Variants in GPC5 observed in about 807,000 individuals in gnomAD.
The protein encoded by GPC5 is glypican 5.
Under a neutral mutation model 53.9 loss-of-function variants are expected in GPC5, and 47 were observed. The ratio of observed to expected loss-of-function variants is 0.87; its 90% CI spans 0.69 to 1.11. The LOEUF is 1.11. GPC5 is among the 50% of genes most tolerant of loss of function. GPC5 has a pLI of 0.00. For synonymous variants in GPC5, 286 were observed against 263.3 expected (o/e 1.09, Z -0.84); for missense variants, 748 against 713.1 (o/e 1.05, Z -0.56).
chr13:92,440,067 A>G (rs543895296), intron 7 of GPC5, among the ~76,000 whole-genome samples: 1 of 152,260 alleles, frequency 6.6e-6, no homozygotes, highest in South Asian at 2.1e-4. Context: ...ACTGGTGAAG[A>G]CAAAAGGGAA....
intron 2 of GPC5, among the ~76,000 whole-genome samples, chr13:91,533,529 A>G (rs905684062): frequency 3.3e-5 from 5 of 152,212 alleles, no homozygotes; most frequent in African/African-American, 1.2e-4. Context: ...GCCTTGTGGA[A>G]CAGACAGTGG....
At chr13:91,803,178 A>G (rs1186651997) in intron 5 of GPC5, among the ~76,000 whole-genome samples, 1 of 152,140 alleles carries the variant, frequency 6.6e-6, no homozygotes, top group African/African-American at 2.4e-5. Context: ...TATTGGTGAG[A>G]AATCATTTTA....
At chr13:92,514,453 CAGAA>C (rs963538170) in intron 7 of GPC5, among the ~76,000 whole-genome samples, 2 of 152,112 alleles carry the variant, frequency 1.3e-5, no homozygotes, top group African/African-American at 4.8e-5. Flanking sequence ...AGGAAAACCA[CAGAA>C]AGAACTACTA....
At chr13:91,870,386 T>A (rs764724553) in intron 5 of GPC5, among the ~76,000 whole-genome samples, 1 of 152,186 alleles carries the variant, frequency 6.6e-6, no homozygotes, top group Non-Finnish European at 1.5e-5. Flanking sequence ...GGTAAGTTAA[T>A]ATTTAAAATA....
intron 7 of GPC5, among the ~76,000 whole-genome samples, chr13:92,345,572 T>C (rs184799783): frequency 6.6e-6 from 1 of 152,290 alleles, no homozygotes; most frequent in East Asian, 1.9e-4. Context: ...GCAACTATCT[T>C]GAGACACCCA....
chr13:92,198,773 A>C (rs1384740999), intron 7 of GPC5, among the ~76,000 whole-genome samples: 1 of 152,158 alleles, frequency 6.6e-6, no homozygotes, highest in Non-Finnish European at 1.5e-5. Context: ...ATCCCCAAAA[A>C]AATTATTTCT....
chr13:91,823,481 G>A (rs1045740748), intron 5 of GPC5, among the ~76,000 whole-genome samples: 1 of 151,972 alleles, frequency 6.6e-6, no homozygotes, highest in African/African-American at 2.4e-5. Context: ...GTAAATTAAT[G>A]CTCCCACTTC....
intron 7 of GPC5, among the ~76,000 whole-genome samples, chr13:92,230,808 C>T (rs1245112261): frequency 6.6e-6 from 1 of 152,074 alleles, no homozygotes; most frequent in Non-Finnish European, 1.5e-5. Flanking sequence ...TGGCACATAG[C>T]AGATTCTCAA....
At chr13:92,123,428 A>G (rs1002933855) in intron 6 of GPC5, among the ~76,000 whole-genome samples, 3 of 152,156 alleles carry the variant, frequency 2.0e-5, no homozygotes, top group African/African-American at 7.2e-5. Context: ...AAAATATGAT[A>G]ATAAAAAAGA....
intron 7 of GPC5, chr13:92,484,765 CCTT>C (rs1379231559): frequency 6.6e-6 from 1 of 151,788 alleles, no homozygotes; most frequent in Non-Finnish European, 1.5e-5. Flanking sequence ...GACAGAGTCT[CCTT>C]CTGTCACTAA....
chr13:91,901,871 C>A (rs2039500836), intron 5 of GPC5, among the ~76,000 whole-genome samples: 7 of 151,952 alleles, frequency 4.6e-5, no homozygotes, highest in Admixed American at 4.6e-4. Flanking sequence ...CCAGGTCATA[C>A]AAGAACATAA....
intron 7 of GPC5, among the ~76,000 whole-genome samples, chr13:92,833,543 G>T (rs1566437511): frequency 6.6e-6 from 1 of 151,974 alleles, no homozygotes; most frequent in African/African-American, 2.4e-5. Context: ...TTTATCCTCT[G>T]CACTGTGAAA....
intron 2 of GPC5, among the ~76,000 whole-genome samples, chr13:91,456,351 T>C (rs1172960514): frequency 6.6e-6 from 1 of 152,090 alleles, no homozygotes; most frequent in Non-Finnish European, 1.5e-5. Flanking sequence ...TGTTAACTTT[T>C]TTTTTTCTTT....
chr13:92,723,876 G>A lies in GPC5; in HGVS notation c.1562-142406G>A, dbSNP rs990707212. Among the ~76,000 whole-genome samples the A allele has an allele frequency of 5.3e-5, 8 of 151,698 alleles. No homozygotes were observed. The South Asian group carries it at 1.2e-3, about 24-fold the overall frequency. The stretch of plus-strand genomic sequence containing the variant: ...GCTGAAAATCTATTATAGTATGATA[G>A]AAAAACAATAGAGTACTTTGGAAAA... On this transcript the variant is annotated intron_variant, in intron 7 of 7. Transcript: ENST00000377067.
At chr13:91,416,898 G>A (rs570176361) in intron 1 of GPC5, among the ~76,000 whole-genome samples, 1 of 152,284 alleles carries the variant, frequency 6.6e-6, no homozygotes, top group African/African-American at 2.4e-5. Flanking sequence ...TGTGAATAGT[G>A]CTGCAATCAT....
chr13:91,551,169 G>GA (rs55907437), intron 2 of GPC5, among the ~76,000 whole-genome samples: 130,098 of 151,746 alleles, frequency 0.86, 57,236 homozygotes, highest in East Asian at 1. Flanking sequence ...AGAAAACAGT[G>GA]ATTCTTGGTG....
chr13:92,420,038 T>C (rs1016980211), intron 7 of GPC5, among the ~76,000 whole-genome samples: 17 of 152,288 alleles, frequency 1.1e-4, no homozygotes, highest in Middle Eastern at 3.4e-3. Context: ...TGTCTCCAAT[T>C]TGTTTCCAAG....
At chr13:91,702,733 G>A (rs999345173) in intron 3 of GPC5, among the ~76,000 whole-genome samples, 12 of 151,966 alleles carry the variant, frequency 7.9e-5, no homozygotes, top group Admixed American at 2.0e-4. Context: ...TTAGGTACTG[G>A]ACATTTTAAT....
chr13:91,646,584 T>C (rs16946362), intron 2 of GPC5, among the ~76,000 whole-genome samples: 11,273 of 152,132 alleles, frequency 0.074, 1,397 homozygotes, highest in African/African-American at 0.26. Flanking sequence ...AACATAATGG[T>C]TTAATGGCTT....
Sources: allele counts gnomAD v4.1 joint callset (sites outside exome capture counted in the v4.1 genomes callset), GRCh38; gene constraint gnomAD v4.1.1; transcripts MANE v1.5; gene names NCBI Gene and HGNC (gene_info 2026-07-23, HGNC 2026-07-21).